Variants in RSRP1 observed in about 807,000 individuals in gnomAD.
RSRP1 encodes the protein arginine and serine rich protein 1, also known as arginine/serine-rich protein 1.
In RSRP1, 37 loss-of-function variants were observed where a neutral mutation model predicts 33.0. The observed-to-expected ratio is 1.12, with a 90% CI of 0.86 to 1.48. The LOEUF is 1.48. RSRP1 is among the 40% of genes most tolerant of loss of function. The pLI, the probability that RSRP1 is intolerant of heterozygous loss-of-function variation, is 0.00. For missense variants in RSRP1, 402 were observed against 385.3 expected (o/e 1.04, Z -0.36); for synonymous variants, 167 against 158.7 (o/e 1.05, Z -0.40).
In RSRP1 at chr1:25,320,935, T is replaced by C. The variant is rs780822717; in HGVS notation, c.-67+17043A>G. ...AGCACACACCTGTGGTCCCAGCTAC[T>C]TGGGAGGCTGAGGTGGGAGGGTTGC... On this transcript the variant is annotated intron_variant, in intron 1 of 1. Transcript: ENST00000561867. Among the ~76,000 whole-genome samples, 2 of 131,540 alleles carry C rather than the reference T, an allele frequency of 1.5e-5. 1 individual carries two copies. Among genetic ancestry groups the C allele is most frequent in the Non-Finnish European group, 3.6e-5 (2 of 55,500 alleles). 86.3% of individuals were successfully genotyped at this position (131,540 alleles called of 152,430 possible). A position where few individuals can be genotyped will look rare whatever the true frequency, so the allele number is the denominator to read the frequency against.
chr1:25,242,837 C>T (rs1304039885), intron 4 of RSRP1, 132 bp from the exon 5 acceptor site: 3 of 642,718 alleles, frequency 4.7e-6, no homozygotes, highest in Non-Finnish European at 8.1e-6. Context: ...TGGCTCACGC[C>T]TGTAATCCCA....
Position 25,246,727 on chromosome 1 carries a change from C to G in RSRP1, c.237G>C (p.Arg79=), listed in dbSNP as rs780822299. The part of the protein sequence containing the change: ...RHQRKYRRYS[R]SYSRSRSRSR... ...ATCGCGACCGGCTCCGCGAGTATGA[C>G]CGCGAGTAGCGCCTGTACTTCCGCT... Residue 79 remains arginine (R), a synonymous_variant, in exon 2 of 5, where the codon CGG becomes CGC. Coordinates refer to ENST00000243189, the MANE Select transcript of RSRP1 (RefSeq NM_020317.5). 4 of 1,607,320 alleles carry G rather than the reference C, an allele frequency of 2.5e-6. No individual in the cohort carries two copies. In the African/African-American group the frequency reaches 4.0e-5, roughly 16 times the overall value.
rs184130074 is a variant in RSRP1, at chr1:25,322,571, G to C, written c.-67+15407C>G. ...GCCTGTAATCCCAGTTACTCAGGAG[G>C]CTGAGGCAGGAGAATCACTTGAACC... On this transcript the variant is annotated intron_variant, in intron 1 of 1. Transcript: ENST00000561867. 1.5e-3 allele frequency among the ~76,000 whole-genome samples: 202 copies of C among 132,554 alleles called. 29 individuals carry two copies. Among genetic ancestry groups the C allele is most frequent in the African/African-American group, 4.9e-3 (192 of 38,952 alleles). The allele number at this position is 132,554 out of a possible 152,430, so 87.0% of individuals were successfully genotyped here.
chr1:25,312,503 G>C (rs2124041540), intron 1 of RSRP1, among the ~76,000 whole-genome samples: 1 of 130,392 alleles, frequency 7.7e-6, no homozygotes, highest in Middle Eastern at 4.1e-3. Context: ...CCAGTGATTT[G>C]GGAGGTTGAG....
rs572544850 is a variant in RSRP1, at chr1:25,321,542, C to A, written c.-67+16436G>T. 1.2e-4 allele frequency among the ~76,000 whole-genome samples: 14 copies of A among 120,590 alleles called. 4 individuals carry two copies. Among genetic ancestry groups the A allele is most frequent in the Non-Finnish European group, 2.1e-4 (11 of 51,608 alleles). The allele number at this position is 120,590 out of a possible 152,430, so 79.1% of individuals were successfully genotyped here. On this transcript the variant is annotated intron_variant, in intron 1 of 1. Coordinates refer to the RSRP1 transcript ENST00000561867. ...AAAATTAGCTGGATGTGGTGGCAGG[C>A]GCCTATAATCTCAGCTACTTGGGAG...
In RSRP1 at chr1:25,282,529, G is replaced by T. The variant is rs1403155292; in HGVS notation, c.-66-35500C>A. On this transcript the variant is annotated intron_variant, in intron 1 of 1. Coordinates refer to the RSRP1 transcript ENST00000561867. ...TTTATATGTCCAAAAGAGTCAACTG[G>T]TGGCAATTTAGTGAGGTTTAATCTA... is the stretch of plus-strand genomic sequence containing the variant. Among the ~76,000 whole-genome samples, 2 of 132,276 alleles carry T rather than the reference G, an allele frequency of 1.5e-5. 1 individual carries two copies. The highest frequency in any genetic ancestry group is 1.5e-4 in the Admixed American group (2 of 13,520). The allele number at this position is 132,276 out of a possible 152,430, so 86.8% of individuals were successfully genotyped here.
At position 25,301,770 on chromosome 1, in the gene RSRP1, G is replaced by T. The variant is rs561986974; in HGVS notation, c.-67+36208C>A. 1.1e-5 allele frequency: 11 copies of T among 1,025,280 alleles called. No homozygotes were observed. The South Asian group carries it at 1.1e-4, about 11-fold the overall frequency. 63.5% of individuals were successfully genotyped at this position (1,025,280 alleles called of 1,614,324 possible). A position where few individuals can be genotyped will look rare whatever the true frequency, so the allele number is the denominator to read the frequency against. On this transcript the variant is annotated intron_variant, in intron 1 of 1. Transcript: ENST00000561867. ...TATGCCCCTCCCCACCCCAGGGCCA[G>T]CGTGGGTTGGGAGAGGGCATGCCGG...
chr1:25,252,860 G>T (rs1002641293), intron 1 of RSRP1, among the ~76,000 whole-genome samples: 1 of 151,610 alleles, frequency 6.6e-6, no homozygotes, highest in Non-Finnish European at 1.5e-5. Flanking sequence ...ATTCTTTTTG[G>T]CATGAGGCCT....
chr1:25,269,508 A>G (rs1222110994), intron 1 of RSRP1, among the ~76,000 whole-genome samples: 3 of 132,690 alleles, frequency 2.3e-5, no homozygotes, highest in African/African-American at 7.7e-5. Context: ...ATCTACCAAA[A>G]AAAGTTGAAA....
At position 25,269,009 on chromosome 1, in the gene RSRP1, G is replaced by C. The variant is rs1168589912; in HGVS notation, c.-66-21980C>G. 1.5e-5 allele frequency among the ~76,000 whole-genome samples: 2 copies of C among 129,994 alleles called. 1 individual carries two copies. The highest frequency in any genetic ancestry group is 3.6e-5 in the Non-Finnish European group (2 of 55,042). The allele number at this position is 129,994 out of a possible 152,430, so 85.3% of individuals were successfully genotyped here. A position where few individuals can be genotyped will look rare whatever the true frequency, so the allele number is the denominator to read the frequency against. On this transcript the variant is annotated intron_variant, in intron 1 of 1. Coordinates refer to the RSRP1 transcript ENST00000561867. ...CTTTCCTGAGAAGGGGATGGTGGAGGATCCAGGGAGGTGAGGTGGGGAGCA... is the reference window on the plus strand; with the variant it reads ...CTTTCCTGAGAAGGGGATGGTGGAGCATCCAGGGAGGTGAGGTGGGGAGCA...
chr1:25,305,436 A>C (rs1268628916), intron 1 of RSRP1, among the ~76,000 whole-genome samples: 1 of 120,296 alleles, frequency 8.3e-6, no homozygotes, highest in African/African-American at 2.8e-5. Context: ...TCATTCTGTC[A>C]CCCAGGCTGG....
At chr1:25,286,694 G>A (rs1179645641) in intron 1 of RSRP1, among the ~76,000 whole-genome samples, 1 of 134,158 alleles carries the variant, frequency 7.5e-6, no homozygotes, top group Non-Finnish European at 1.8e-5. Flanking sequence ...GCTGAGGCAG[G>A]AGAATGGCGT....
At chr1:25,280,768 C>T (rs150691085) in intron 1 of RSRP1, among the ~76,000 whole-genome samples, 4 of 130,928 alleles carry the variant, frequency 3.1e-5, no homozygotes, top group Middle Eastern at 4.1e-3. Flanking sequence ...CTCGCCACCA[C>T]GCCCAAGTAA....
intron 1 of RSRP1, among the ~76,000 whole-genome samples, chr1:25,319,102 T>C (rs1437126622): frequency 7.5e-6 from 1 of 132,604 alleles, no homozygotes; most frequent in African/African-American, 2.6e-5. Flanking sequence ...TCCTGCATTT[T>C]ATTTGGCAAC....
Position 25,301,016 on chromosome 1 carries a change from G to A in RSRP1, c.-67+36962C>T, listed in dbSNP as rs1382406727. On this transcript the variant is annotated intron_variant, in intron 1 of 1. Coordinates refer to the RSRP1 transcript ENST00000561867. ...TATTTTGGGCTGTCTGTGGCCTGGT[G>A]CCTGCCAAAGCCTCTACCCGAGGGA... is the stretch of plus-strand genomic sequence containing the variant. 1.5e-6 allele frequency: 2 copies of A among 1,378,222 alleles called. 1 individual carries two copies. The allele number at this position is 1,378,222 out of a possible 1,614,324, so 85.4% of individuals were successfully genotyped here.
In RSRP1 at chr1:25,331,095, G is replaced by A. The variant is rs1644997106; in HGVS notation, c.-67+6883C>T. ...CAATTCTCCTGCCTCAGCCTCCCAA[G>A]TAGCTGGGACTACAGGTGCCCACCA... On this transcript the variant is annotated intron_variant, in intron 1 of 1. Coordinates refer to the RSRP1 transcript ENST00000561867. Among the ~76,000 whole-genome samples the A allele has an allele frequency of 1.6e-5, 2 of 123,368 alleles. 1 individual carries two copies. Among genetic ancestry groups the A allele is most frequent in the Non-Finnish European group, 3.8e-5 (2 of 53,198 alleles). The allele number at this position is 123,368 out of a possible 152,430, so 80.9% of individuals were successfully genotyped here. A position where few individuals can be genotyped will look rare whatever the true frequency, so the allele number is the denominator to read the frequency against.
At chr1:25,251,003 C>A (rs572162076), upstream of RSRP1, among the ~76,000 whole-genome samples, 179 of 150,876 alleles carry the variant, frequency 1.2e-3, 1 homozygote, top group Admixed American at 4.6e-3. Flanking sequence ...AGCGAGACTC[C>A]AACTCAAAGA....
chr1:25,248,011 G>A (rs1012565581), upstream of RSRP1: 1 of 152,382 alleles, frequency 6.6e-6, no homozygotes, highest in African/African-American at 2.4e-5. Context: ...CCAGGAGAAG[G>A]CGACCGCGTC....
intron 3 of RSRP1, 67 bp downstream of exon 3, chr1:25,245,082 TA>T (rs780556846): frequency 6.2e-7 from 1 of 1,613,450 alleles, no homozygotes. Context: ...GTCTAAGATA[TA>T]AGTGGCTAAT....
Sources: gnomAD v4.1 joint callset for allele counts (sites outside exome capture counted in the v4.1 genomes callset) on GRCh38, gnomAD v4.1.1 for gene constraint, MANE v1.5 for transcripts, NCBI Gene and HGNC (gene_info 2026-07-23, HGNC 2026-07-21) for gene names.